The following CTNNBIP1 variants were observed in gnomAD, a reference collection of about 807,000 sequenced individuals.
The protein encoded by CTNNBIP1 is catenin beta interacting protein 1, also known as beta-catenin-interacting protein 1.
Under a neutral mutation model 11.8 loss-of-function variants are expected in CTNNBIP1, and 7 were observed. That is an observed-to-expected ratio of 0.60 (90% CI 0.34 to 1.12). CTNNBIP1 has a LOEUF of 1.12. CTNNBIP1 is among the 50% of genes most tolerant of loss of function. CTNNBIP1 has a pLI of 0.03. For missense variants in CTNNBIP1, 101 were observed against 113.4 expected, an observed-to-expected ratio of 0.89 and a Z score of 0.50; for synonymous variants, 58 against 43.9, an observed-to-expected ratio of 1.32 and a Z score of -1.26.
intron 5 of CTNNBIP1, among the ~76,000 whole-genome samples, chr1:9,854,546 G>A (rs1342378433): frequency 3.3e-5 from 5 of 151,998 alleles, no homozygotes; most frequent in Admixed American, 3.3e-4. Context: ...ATTGGCTTGA[G>A]GTCCATTCCA....
At chr1:9,893,747 A>G (rs148052060) in intron 1 of CTNNBIP1, among the ~76,000 whole-genome samples, 1 of 152,190 alleles carries the variant, frequency 6.6e-6, no homozygotes, top group Non-Finnish European at 1.5e-5. Context: ...GGAGCACATA[A>G]TGCAATGTTA....
intron 5 of CTNNBIP1, among the ~76,000 whole-genome samples, chr1:9,859,915 G>A (rs1235056636): frequency 6.6e-6 from 1 of 152,168 alleles, no homozygotes; most frequent in Non-Finnish European, 1.5e-5. Context: ...CACCTCCAGG[G>A]TGCCTCCCTG....
At chr1:9,863,877 C>T (rs1638685901) in intron 5 of CTNNBIP1, among the ~76,000 whole-genome samples, 1 of 152,190 alleles carries the variant, frequency 6.6e-6, no homozygotes, top group Non-Finnish European at 1.5e-5. Context: ...CTGAGGGGGT[C>T]AAGGGGGTTG....
rs1284047501 is a variant in CTNNBIP1, at chr1:9,871,404, G to A, written c.97-127C>T. 1.8e-5 allele frequency: 13 copies of A among 730,198 alleles called. No individual in the cohort carries two copies. Among genetic ancestry groups the A allele is most frequent in the Non-Finnish European group, 4.7e-6 (2 of 426,474 alleles). The allele number at this position is 730,198 out of a possible 1,614,324, so 45.2% of individuals were successfully genotyped here. ...GGTCCCTGCTCGGGCTTCTGTTTCTGAGATTTGACCCCTTTGCTTTCAGGG... is the reference window on the plus strand; with the variant it reads ...GGTCCCTGCTCGGGCTTCTGTTTCTAAGATTTGACCCCTTTGCTTTCAGGG... On this transcript the variant is annotated intron_variant, in intron 4 of 5. Coordinates refer to ENST00000377263, the MANE Select transcript of CTNNBIP1 (RefSeq NM_020248.3). This position sits in a 1 kb window ranked among gnomAD's most constrained non-coding sequence, Gnocchi z 5.2.
intron 5 of CTNNBIP1, among the ~76,000 whole-genome samples, chr1:9,865,522 T>C (rs1453447335): frequency 1.3e-5 from 2 of 151,804 alleles, no homozygotes; most frequent in East Asian, 1.9e-4. Flanking sequence ...GAGAATGGCA[T>C]GAACCCGGGA....
In CTNNBIP1 at chr1:9,890,831, A is replaced by AT. The variant is rs139438348; in HGVS notation, c.-143-7094dup. ...TTTTCTCTCCTGGGACACCAGAGAG[A>AT]TCCCCAGCAAGCTGACTAAGTCCCC... On this transcript the variant is annotated intron_variant, in intron 1 of 5. Transcript: ENST00000377263. Among the ~76,000 whole-genome samples, 1,465 of 152,250 alleles carry AT rather than the reference A, an allele frequency of 9.6e-3. 27 individuals carry two copies. Among genetic ancestry groups the AT allele is most frequent in the African/African-American group, 0.032 (1,346 of 41,524 alleles).
intron 2 of CTNNBIP1, among the ~76,000 whole-genome samples, chr1:9,879,278 A>G (rs543559288): frequency 6.6e-6 from 1 of 152,198 alleles, no homozygotes; most frequent in East Asian, 1.9e-4. Context: ...TCAGCCCTGT[A>G]GTGGGGGAAA....
At chr1:9,896,727 G>C (rs549696293) in intron 1 of CTNNBIP1, among the ~76,000 whole-genome samples, 1 of 152,338 alleles carries the variant, frequency 6.6e-6, no homozygotes, top group African/African-American at 2.4e-5. Flanking sequence ...CCAGCACTTT[G>C]AGAGACCAAG....
At chr1:9,903,196 G>A (rs141827529) in intron 1 of CTNNBIP1, among the ~76,000 whole-genome samples, 80 of 152,260 alleles carry the variant, frequency 5.3e-4, no homozygotes, top group African/African-American at 1.9e-3. Context: ...AGGGGAGGGA[G>A]GGAGGAGTAA....
At chr1:9,898,590 C>A (rs2101539671) in intron 1 of CTNNBIP1, among the ~76,000 whole-genome samples, 1 of 152,010 alleles carries the variant, frequency 6.6e-6, no homozygotes, top group Non-Finnish European at 1.5e-5. Flanking sequence ...CATATCACAG[C>A]CATAGGACAA....
chr1:9,895,863 A>G (rs1301355607), intron 1 of CTNNBIP1, among the ~76,000 whole-genome samples: 1 of 151,864 alleles, frequency 6.6e-6, no homozygotes, highest in African/African-American at 2.4e-5. Context: ...CCTGGCCTCA[A>G]GCAATCCTCC....
rs180890859 is a variant in CTNNBIP1, at chr1:9,905,826, C to T, written c.-144+4269G>A. ...TCATAAGAGCATGCCTCTTAAAGAC[C>T]GTGTTCTTGGCTACGTCCATAGCAT... On this transcript the variant is annotated intron_variant, in intron 1 of 5. Transcript: ENST00000377263. 4.5e-3 allele frequency among the ~76,000 whole-genome samples: 680 copies of T among 152,254 alleles called. 5 individuals are homozygous for T. Among genetic ancestry groups the T allele is most frequent in the Admixed American group, 4.0e-3 (61 of 15,286 alleles).
chr1:9,852,196 T>C (rs1388890211), intron 5 of CTNNBIP1, among the ~76,000 whole-genome samples: 2 of 152,134 alleles, frequency 1.3e-5, no homozygotes, highest in African/African-American at 4.8e-5. Context: ...ACAGCCGGCA[T>C]GTGCTGACCT....
chr1:9,872,043 C>T lies in CTNNBIP1; in HGVS notation c.22G>A (p.Gly8Arg), dbSNP rs113935062. The T allele has an allele frequency of 7.8e-4, 1,254 of 1,614,182 alleles. 8 individuals are homozygous for T. Among genetic ancestry groups the T allele is most frequent in the Middle Eastern group, 3.6e-3 (22 of 6,062 alleles). Reference sequence around the variant, plus strand: ...ATGTACATCTCCTCCGGACTCTTCCCGGGAGCTCCCTCGCGGTTCATCCCC... The same window carrying T: ...ATGTACATCTCCTCCGGACTCTTCCTGGGAGCTCCCTCGCGGTTCATCCCC... MNREGAP[G>R]KSPEEMYIQQ... Residue 8 changes from glycine to arginine, a missense_variant, in exon 4 of 6, where the codon GGG becomes AGG. Transcript: ENST00000377263. This position sits in a 1 kb window ranked among gnomAD's most constrained non-coding sequence, Gnocchi z 4.0.
At chr1:9,864,550 A>C (rs138192549) in intron 5 of CTNNBIP1, among the ~76,000 whole-genome samples, 15 of 152,196 alleles carry the variant, frequency 9.9e-5, no homozygotes, top group South Asian at 6.2e-4. Context: ...GGATGGTCTC[A>C]ATCTCCTGAC....
At chr1:9,869,783 G>C (rs1301255521) in intron 5 of CTNNBIP1, among the ~76,000 whole-genome samples, 1 of 152,218 alleles carries the variant, frequency 6.6e-6, no homozygotes, top group Admixed American at 6.5e-5. Flanking sequence ...TGAGTCTCCA[G>C]GGACTCAGAA....
At chr1:9,879,694 A>G (rs1382908820) in intron 2 of CTNNBIP1, among the ~76,000 whole-genome samples, 1 of 152,188 alleles carries the variant, frequency 6.6e-6, no homozygotes, top group East Asian at 1.9e-4. Flanking sequence ...CATTCTTTCA[A>G]AAAGAGATGA....
chr1:9,859,406 G>A (rs1017740936), intron 5 of CTNNBIP1, among the ~76,000 whole-genome samples: 1 of 152,206 alleles, frequency 6.6e-6, no homozygotes, highest in Non-Finnish European at 1.5e-5. Context: ...GGGCGGGAGA[G>A]AGACAATGGG....
At chr1:9,868,314 C>T (rs1638790223) in intron 5 of CTNNBIP1, among the ~76,000 whole-genome samples, 1 of 152,228 alleles carries the variant, frequency 6.6e-6, no homozygotes. Context: ...TGTGGACAGA[C>T]ACCACCCACC....
Sources: gnomAD v4.1 joint callset for allele counts (sites outside exome capture counted in the v4.1 genomes callset) on GRCh38, gnomAD v4.1.1 for gene constraint, Gnocchi (gnomAD v3.1) non-coding constraint, MANE v1.5 for transcripts, NCBI Gene and HGNC (gene_info 2026-07-23, HGNC 2026-07-21) for gene names.